The following S100A13 variants were observed in gnomAD, a reference collection of about 807,000 sequenced individuals.
The protein encoded by S100A13 is protein S100-A13.
S100A13 carries 6 observed loss-of-function variants against 8.2 expected under a neutral mutation model. The ratio of observed to expected loss-of-function variants is 0.73; its 90% CI spans 0.40 to 1.44. The LOEUF (loss-of-function observed/expected upper bound fraction) is 1.44, where lower values mean the gene tolerates loss of function less well. S100A13 is among the 40% of genes most tolerant of loss of function. The pLI, the probability that S100A13 is intolerant of heterozygous loss-of-function variation, is 0.02. For synonymous variants in S100A13, 39 were observed against 45.9 expected (o/e 0.85, Z 0.61); for missense variants, 114 against 113.6 (o/e 1.00, Z -0.02).
chr1:153,631,812 TG>T, upstream of S100A13: 1 of 1,614,170 alleles, frequency 6.2e-7, no homozygotes, highest in South Asian at 1.1e-5. Context: ...CACAGTGGCC[TG>T]TAACAATTTC....
intron 2 of S100A13, among the ~76,000 whole-genome samples, chr1:153,621,681 C>CAA (rs538835772): frequency 5.6e-5 from 8 of 142,336 alleles, no homozygotes; most frequent in African/African-American, 2.1e-4. Context: ...TGCTGCTGCT[C>CAA]AAAAAAAAAA....
upstream of S100A13, chr1:153,631,478 C>T (rs531828301): frequency 1.1e-4 from 168 of 1,597,162 alleles, no homozygotes; most frequent in South Asian, 6.6e-4. Context: ...ACTGAACATA[C>T]GGTAACTGGT....
chr1:153,627,417 G>A (rs1043299759), intron 1 of S100A13, 66 bp downstream of exon 1: 1 of 152,398 alleles, frequency 6.6e-6, no homozygotes, highest in African/African-American at 2.4e-5. Context: ...TCTGGGGGAG[G>A]GACCTGGGAG....
At chr1:153,630,458 C>A, upstream of S100A13, 2 of 1,596,572 alleles carry the variant, frequency 1.3e-6, no homozygotes, top group Non-Finnish European at 8.5e-7. Flanking sequence ...ACCTAGACCC[C>A]AGGTACTCCG....
At chr1:153,623,272 G>A (rs1342407079) in intron 2 of S100A13, among the ~76,000 whole-genome samples, 1 of 152,096 alleles carries the variant, frequency 6.6e-6, no homozygotes, top group African/African-American at 2.4e-5. Flanking sequence ...GGGATCCAGG[G>A]CACCAGTGAA....
chr1:153,627,891 A>G (rs1667764738), upstream of S100A13: 1 of 794,012 alleles, frequency 1.3e-6, no homozygotes, highest in Non-Finnish European at 2.0e-6. Context: ...GCCCCTTGGA[A>G]TGAGATCCCA....
At chr1:153,631,748 G>C (rs769079440), upstream of S100A13, 1 of 1,614,210 alleles carries the variant, frequency 6.2e-7, no homozygotes, top group Non-Finnish European at 8.5e-7. Context: ...AGCTAGACGA[G>C]AATGGAGACG....
chr1:153,619,732 T>C (rs534420067), intron 2 of S100A13, among the ~76,000 whole-genome samples: 5 of 152,246 alleles, frequency 3.3e-5, no homozygotes, highest in African/African-American at 1.2e-4. Context: ...TAGTTCAACA[T>C]CAAACCAGAG....
upstream of S100A13, chr1:153,630,013 G>A (rs1488769866): frequency 6.2e-6 from 1 of 162,044 alleles, no homozygotes; most frequent in Non-Finnish European, 1.3e-5. Flanking sequence ...GAGGGTACCA[G>A]ACTGACTCCT....
upstream of S100A13, chr1:153,632,888 G>C (rs1046603976): frequency 2.0e-5 from 3 of 152,196 alleles, no homozygotes; most frequent in African/African-American, 4.8e-5. Context: ...CCCTTATTGA[G>C]GCCGGGCACA....
upstream of S100A13, chr1:153,631,639 T>G: frequency 1.2e-6 from 2 of 1,613,518 alleles, no homozygotes; most frequent in Non-Finnish European, 1.7e-6. Flanking sequence ...CCCCCTTGCC[T>G]CTGACTCAGT....
At chr1:153,628,571 G>T (rs1667815171), upstream of S100A13, 6 of 1,536,108 alleles carry the variant, frequency 3.9e-6, no homozygotes, top group Non-Finnish European at 5.3e-6. Flanking sequence ...AGGGCTCCAA[G>T]AGGCTGGGGA....
upstream of S100A13, chr1:153,630,574 C>T (rs1191648633): frequency 6.2e-7 from 1 of 1,614,242 alleles, no homozygotes; most frequent in Non-Finnish European, 8.5e-7. Context: ...GTGTTCCACG[C>T]CCACTCGGGC....
chr1:153,624,419 G>A (rs1667467149), intron 2 of S100A13, among the ~76,000 whole-genome samples: 1 of 152,074 alleles, frequency 6.6e-6, no homozygotes, highest in African/African-American at 2.4e-5. Context: ...TAAGAAGAAT[G>A]GCAGGTGGCA....
upstream of S100A13, chr1:153,630,358 T>G: frequency 9.9e-7 from 1 of 1,005,766 alleles, no homozygotes; most frequent in Non-Finnish European, 1.4e-6. Context: ...CCTCACATTG[T>G]AAAATCTCAG....
chr1:153,626,636 T>C, intron 1 of S100A13, 103 bp from the exon 2 acceptor site: 1 of 621,360 alleles, frequency 1.6e-6, no homozygotes, highest in South Asian at 2.3e-5. Flanking sequence ...AGTCTCAGCC[T>C]GGAGGGGGCA....
upstream of S100A13, chr1:153,632,066 G>A (rs1307016673): frequency 1.8e-6 from 1 of 562,096 alleles, no homozygotes. Flanking sequence ...TCTGGGATCT[G>A]GAAGTGGGTG....
chr1:153,630,478 C>G (rs537799340), upstream of S100A13: 1 of 1,609,910 alleles, frequency 6.2e-7, no homozygotes, highest in South Asian at 1.1e-5. Flanking sequence ...GGGCCTGGTC[C>G]TCAGCTCACT....
At chr1:153,634,230 C>A (rs1346533583), upstream of S100A13, 1 of 152,732 alleles carries the variant, frequency 6.5e-6, no homozygotes, top group Non-Finnish European at 1.5e-5. Context: ...AACCAACCGC[C>A]CATCTAGCTA....
Sources: gnomAD v4.1 joint callset for allele counts (sites outside exome capture counted in the v4.1 genomes callset) on GRCh38, gnomAD v4.1.1 for gene constraint, MANE v1.5 for transcripts, NCBI Gene and HGNC (gene_info 2026-07-23, HGNC 2026-07-21) for gene names.